The following B3GALT1 variants were observed in gnomAD, a reference collection of about 807,000 sequenced individuals.
The protein encoded by B3GALT1 is beta-1,3-galactosyltransferase 1, also known as UDP-Gal:betaGlcNAc beta 1,3-galactosyltransferase, polypeptide 1.
In B3GALT1, 10 loss-of-function variants were observed where a neutral mutation model predicts 23.2. The observed-to-expected ratio is 0.43, with a 90% CI of 0.27 to 0.73. The LOEUF (loss-of-function observed/expected upper bound fraction) is 0.73. B3GALT1 is among the 30% of genes least tolerant of loss of function. B3GALT1 has a pLI of 0.21. For missense variants in B3GALT1, 299 were observed against 405.4 expected (o/e 0.74, Z 2.25); for synonymous variants, 156 against 141.5 (o/e 1.10, Z -0.73).
intron 3 of B3GALT1, among the ~76,000 whole-genome samples, chr2:167,779,346 A>G (rs1010110482): frequency 1.3e-5 from 2 of 152,206 alleles, no homozygotes; most frequent in Admixed American, 1.3e-4. Flanking sequence ...TTAGAAGGGA[A>G]TGACAGACTC....
chr2:167,514,646 T>C (rs1219957473), intron 2 of B3GALT1, among the ~76,000 whole-genome samples: 1 of 152,216 alleles, frequency 6.6e-6, no homozygotes, highest in Non-Finnish European at 1.5e-5. Context: ...TAAAGTTTAA[T>C]ACAGTTTTAG....
intron 3 of B3GALT1, among the ~76,000 whole-genome samples, chr2:167,724,357 C>T (rs1687275989): frequency 6.6e-6 from 1 of 152,172 alleles, no homozygotes; most frequent in Admixed American, 6.5e-5. Context: ...CCAAGGGCAG[C>T]GCTAGTATTT....
At chr2:167,550,864 C>A (rs1030508513) in intron 2 of B3GALT1, among the ~76,000 whole-genome samples, 1 of 152,134 alleles carries the variant, frequency 6.6e-6, no homozygotes, top group Non-Finnish European at 1.5e-5. Flanking sequence ...CTGTAAAAAC[C>A]ACCAATTTCA....
intron 2 of B3GALT1, among the ~76,000 whole-genome samples, chr2:167,559,146 G>A (rs1272286902): frequency 6.6e-6 from 1 of 152,176 alleles, no homozygotes; most frequent in Non-Finnish European, 1.5e-5. Flanking sequence ...AGGATTTGCG[G>A]TTCATGAAAA....
At chr2:167,355,431 A>G (rs952897382) in intron 1 of B3GALT1, among the ~76,000 whole-genome samples, 1 of 152,216 alleles carries the variant, frequency 6.6e-6, no homozygotes, top group Admixed American at 6.5e-5. Flanking sequence ...ATACAGTTGA[A>G]CTTGATCAAA....
At chr2:167,689,663 T>C (rs567218211) in intron 3 of B3GALT1, among the ~76,000 whole-genome samples, 2 of 152,240 alleles carry the variant, frequency 1.3e-5, no homozygotes, top group Non-Finnish European at 2.9e-5. Flanking sequence ...AGGATCTTCC[T>C]GGCTGCTGTC....
intron 1 of B3GALT1, among the ~76,000 whole-genome samples, chr2:167,418,723 G>T (rs1286573192): frequency 6.7e-6 from 1 of 150,294 alleles, no homozygotes; most frequent in African/African-American, 2.5e-5. Context: ...TGTCGCCCAG[G>T]CTGGGGTTTC....
intron 2 of B3GALT1, among the ~76,000 whole-genome samples, chr2:167,532,415 G>A (rs975809404): frequency 6.6e-6 from 1 of 152,006 alleles, no homozygotes; most frequent in Non-Finnish European, 1.5e-5. Flanking sequence ...TTTATTTATA[G>A]GCAATACTGT....
chr2:167,339,220 G>T (rs1352223519), intron 1 of B3GALT1, among the ~76,000 whole-genome samples: 2 of 152,044 alleles, frequency 1.3e-5, no homozygotes, highest in Non-Finnish European at 2.9e-5. Context: ...CTCAGTGAAA[G>T]TATATAACAA....
intron 3 of B3GALT1, among the ~76,000 whole-genome samples, chr2:167,786,874 G>A (rs990009797): frequency 7.9e-5 from 12 of 151,930 alleles, no homozygotes; most frequent in African/African-American, 1.2e-4. Context: ...TCCCAGACAC[G>A]GAGATTCTGA....
intron 2 of B3GALT1, among the ~76,000 whole-genome samples, chr2:167,590,680 A>G (rs752980365): frequency 1.3e-5 from 2 of 152,340 alleles, no homozygotes; most frequent in African/African-American, 2.4e-5. Flanking sequence ...GCAGTTTTAC[A>G]CATTTTCTAA....
At chr2:167,749,482 C>A (rs993507447) in intron 3 of B3GALT1, among the ~76,000 whole-genome samples, 4 of 152,136 alleles carry the variant, frequency 2.6e-5, no homozygotes, top group South Asian at 2.1e-4. Context: ...AGACAACAAA[C>A]ATTGATTTTG....
At chr2:167,763,110 T>C (rs2105300109) in intron 3 of B3GALT1, among the ~76,000 whole-genome samples, 1 of 152,302 alleles carries the variant, frequency 6.6e-6, no homozygotes, top group Admixed American at 6.5e-5. Context: ...TTAAGTGTTT[T>C]TATTTATTTA....
At chr2:167,637,388 T>G (rs1147145) in intron 2 of B3GALT1, among the ~76,000 whole-genome samples, 150,512 of 152,036 alleles carry the variant, frequency 0.99, 74,523 homozygotes, top group Middle Eastern at 1. Context: ...CATAATATTT[T>G]TACGTATTTA....
intron 3 of B3GALT1, among the ~76,000 whole-genome samples, chr2:167,759,292 A>G (rs1435107057): frequency 6.6e-6 from 1 of 152,192 alleles, no homozygotes; most frequent in Non-Finnish European, 1.5e-5. Context: ...TAACTTGCCT[A>G]GACTTCAGTT....
chr2:167,386,130 T>C (rs1417554360), intron 1 of B3GALT1, among the ~76,000 whole-genome samples: 3 of 152,156 alleles, frequency 2.0e-5, no homozygotes, highest in Admixed American at 6.5e-5. Flanking sequence ...AGACTTGAGA[T>C]TGATACACAG....
intron 2 of B3GALT1, among the ~76,000 whole-genome samples, chr2:167,501,827 C>T (rs1026863041): frequency 1.3e-5 from 2 of 151,352 alleles, no homozygotes; most frequent in Admixed American, 6.6e-5. Flanking sequence ...ACTTGTTTCT[C>T]GGCATTAAGC....
chr2:167,529,619 C>G (rs557726375), intron 2 of B3GALT1, among the ~76,000 whole-genome samples: 107 of 151,460 alleles, frequency 7.1e-4, no homozygotes, highest in African/African-American at 2.5e-3. Context: ...TCAGCTGTCC[C>G]CATCTCAGTT....
At chr2:167,696,386 A>C (rs1686792765) in intron 3 of B3GALT1, among the ~76,000 whole-genome samples, 1 of 151,310 alleles carries the variant, frequency 6.6e-6, no homozygotes. Flanking sequence ...TCTGACATGT[A>C]GTAGGTGCTC....
Sources: allele counts gnomAD v4.1 joint callset (sites outside exome capture counted in the v4.1 genomes callset), GRCh38; gene constraint gnomAD v4.1.1; transcripts MANE v1.5; gene names NCBI Gene and HGNC (gene_info 2026-07-23, HGNC 2026-07-21).